Variants in LHX4 observed in about 807,000 individuals in gnomAD.
LHX4 encodes the protein LIM homeobox 4, also known as LIM/homeobox protein Lhx4.
In LHX4, 16 loss-of-function variants were observed where a neutral mutation model predicts 39.2. That is an observed-to-expected ratio of 0.41 (90% CI 0.28 to 0.62). The LOEUF (loss-of-function observed/expected upper bound fraction) is 0.62. Among genes scored for constraint, LHX4 ranks in the 20% least tolerant of loss-of-function variants. LHX4 has a pLI of 0.33. For missense variants in LHX4, 439 were observed against 511.9 expected, an observed-to-expected ratio of 0.86 and a Z score of 1.37; for synonymous variants, 206 against 198.1, an observed-to-expected ratio of 1.04 and a Z score of -0.33.
At chr1:180,271,570 C>T (rs200427160) in intron 4 of LHX4, 36 bp downstream of exon 4, 3 of 1,611,940 alleles carry the variant, frequency 1.9e-6, no homozygotes, top group East Asian at 4.5e-5. Flanking sequence ...TCCGGGGATC[C>T]CAGGCCCGGG....
At position 180,266,348 on chromosome 1, in the gene LHX4, C is replaced by A; in HGVS notation, c.249-44C>A. 3 of 1,598,946 alleles carry A rather than the reference C, an allele frequency of 1.9e-6. No homozygotes were observed. The highest frequency in any genetic ancestry group is 2.6e-6 in the Non-Finnish European group (3 of 1,167,278). ...CCAGGAAGTTGGGGGAAGCCAGATCCCTTGCTCCCTGTGTGCCCTAATCCT... is the reference window on the plus strand; with the variant it reads ...CCAGGAAGTTGGGGGAAGCCAGATCACTTGCTCCCTGTGTGCCCTAATCCT... On this transcript the variant is annotated intron_variant, in intron 2 of 5. Coordinates refer to ENST00000263726, the MANE Select transcript of LHX4 (RefSeq NM_033343.4). This position sits in a 1 kb window ranked among gnomAD's most constrained non-coding sequence, Gnocchi z 5.7.
chr1:180,245,856 A>T (rs910066221), intron 1 of LHX4, among the ~76,000 whole-genome samples: 3 of 152,286 alleles, frequency 2.0e-5, no homozygotes, highest in Non-Finnish European at 4.4e-5. Context: ...TCCAGAATCC[A>T]CATTCCCACC....
At position 180,254,578 on chromosome 1, in the gene LHX4, T is replaced by C. The variant is rs1647766625; in HGVS notation, c.248+6122T>C. Among the ~76,000 whole-genome samples the C allele has an allele frequency of 2.0e-5, 3 of 152,348 alleles. No homozygotes were observed. In the South Asian group the frequency reaches 6.2e-4, roughly 32 times the overall value. On this transcript the variant is annotated intron_variant, in intron 2 of 5. Coordinates refer to ENST00000263726, the MANE Select transcript of LHX4 (RefSeq NM_033343.4). ...GGCTTCACTGGTGACCTTAGCCCAC[T>C]CTGGTGACCAGGGCCTCTGCTCCTC...
Position 180,271,500 on chromosome 1 carries a change from C to T in LHX4, c.572C>T (p.Ser191Phe). The T allele has an allele frequency of 6.2e-7, 1 of 1,614,164 alleles. No homozygotes were observed. Among genetic ancestry groups the T allele is most frequent in the Non-Finnish European group, 8.5e-7 (1 of 1,180,032 alleles). The change falls in exon 4 of 6, where the codon TCC (serine) becomes TTC (phenylalanine). Residue 191 changes from serine (S) to phenylalanine (F), a missense_variant. Physicochemically the swap from Ser to Phe is radical, Grantham distance 155. Coordinates refer to ENST00000263726, the MANE Select transcript of LHX4 (RefSeq NM_033343.4). ...KPARHVREQL[S>F]SETGLDMRVV... The stretch of plus-strand genomic sequence containing the variant: ...GCCCGGCACGTGAGGGAGCAGCTGT[C>T]CTCAGAGACAGGCCTGGACATGAGG...
At chr1:180,259,177 A>G (rs773681728) in intron 2 of LHX4, among the ~76,000 whole-genome samples, 1 of 152,096 alleles carries the variant, frequency 6.6e-6, no homozygotes, top group Non-Finnish European at 1.5e-5. Flanking sequence ...TGTAGGAGGC[A>G]GCGAGCAGGT....
chr1:180,241,543 C>T (rs191841564), intron 1 of LHX4, among the ~76,000 whole-genome samples: 1 of 152,188 alleles, frequency 6.6e-6, no homozygotes, highest in East Asian at 1.9e-4. Context: ...CCTGATGTGG[C>T]CATAACACAG....
intron 2 of LHX4, among the ~76,000 whole-genome samples, chr1:180,255,324 G>T (rs532063495): frequency 6.6e-6 from 1 of 152,168 alleles, no homozygotes; most frequent in South Asian, 2.1e-4. Flanking sequence ...ATGATCGTGC[G>T]TACACACACA....
chr1:180,256,941 T>TC (rs1450004260), intron 2 of LHX4, among the ~76,000 whole-genome samples: 3 of 152,198 alleles, frequency 2.0e-5, no homozygotes, highest in African/African-American at 2.4e-5. Context: ...TACTAATCCC[T>TC]CCCTACAAGG....
At chr1:180,260,507 G>A (rs697261) in intron 2 of LHX4, among the ~76,000 whole-genome samples, 9,829 of 151,814 alleles carry the variant, frequency 0.065, 471 homozygotes, top group Non-Finnish European at 0.091. Context: ...GAGCTCAGGC[G>A]GAGCTCAGGT....
At chr1:180,243,898 C>T (rs1307962605) in intron 1 of LHX4, among the ~76,000 whole-genome samples, 1 of 152,200 alleles carries the variant, frequency 6.6e-6, no homozygotes. Context: ...AAAAAAATGA[C>T]AGGCTCAAGC....
intron 2 of LHX4, among the ~76,000 whole-genome samples, chr1:180,255,684 G>T (rs557152778): frequency 1.3e-5 from 2 of 152,220 alleles, no homozygotes; most frequent in Non-Finnish European, 2.9e-5. Flanking sequence ...GCTCCCCCAG[G>T]GACCGAGGCT....
chr1:180,263,318 G>T (rs1295781277), intron 2 of LHX4, among the ~76,000 whole-genome samples: 2 of 152,178 alleles, frequency 1.3e-5, no homozygotes, highest in African/African-American at 2.4e-5. Context: ...CCAGGCTTTG[G>T]CCTTCTCACC....
intron 1 of LHX4, among the ~76,000 whole-genome samples, chr1:180,235,451 G>A (rs1664293166): frequency 6.6e-6 from 1 of 152,244 alleles, no homozygotes; most frequent in Admixed American, 6.5e-5. Flanking sequence ...TTCGTTCCAA[G>A]CATTTGGAAT....
chr1:180,249,588 C>CT (rs1445395736), intron 2 of LHX4, among the ~76,000 whole-genome samples: 4 of 152,194 alleles, frequency 2.6e-5, no homozygotes, highest in African/African-American at 9.7e-5. Context: ...GCACCTCATG[C>CT]TGAAGCTGTG....
chr1:180,267,268 C>T (rs1415883818), intron 3 of LHX4, among the ~76,000 whole-genome samples: 38 of 152,250 alleles, frequency 2.5e-4, no homozygotes, highest in Admixed American at 2.5e-3. Context: ...TCACCACAAC[C>T]ACTGCAGGGC....
rs1038174834 is a variant in LHX4, at chr1:180,278,288, G to A, written c.*3709G>A. 2 of 152,206 alleles carry A rather than the reference G, an allele frequency of 1.3e-5. No homozygotes were observed. Among genetic ancestry groups the A allele is most frequent in the Non-Finnish European group, 2.9e-5 (2 of 68,040 alleles). The allele number at this position is 152,206 out of a possible 1,614,324, so 9.4% of individuals were successfully genotyped here. ...AATGAGTTTTGTTTTATTGCCTGCTGCTGAAGGGCTCTGGGCATGCTGAAA... is the reference window on the plus strand; with the variant it reads ...AATGAGTTTTGTTTTATTGCCTGCTACTGAAGGGCTCTGGGCATGCTGAAA... On this transcript the variant is annotated 3_prime_UTR_variant, in exon 6 of 6. Transcript: ENST00000263726.
At chr1:180,270,653 A>C (rs538312710) in intron 3 of LHX4, 1 of 153,682 alleles carries the variant, frequency 6.5e-6, no homozygotes, top group Admixed American at 6.4e-5. Flanking sequence ...TTTTCTCAAA[A>C]AATTTTGACT....
chr1:180,256,984 T>C lies in LHX4; in HGVS notation c.248+8528T>C, dbSNP rs541835376. Among the ~76,000 whole-genome samples, 4 of 152,362 alleles carry C rather than the reference T, an allele frequency of 2.6e-5. No individual in the cohort carries two copies. In the South Asian group the frequency reaches 8.3e-4, roughly 32 times the overall value. Reference sequence around the variant, plus strand: ...TGTGGTTTGAATGAGATGCCTCGCATGAAGTTGCCTGGTGCATATGACATG... The same window carrying C: ...TGTGGTTTGAATGAGATGCCTCGCACGAAGTTGCCTGGTGCATATGACATG... On this transcript the variant is annotated intron_variant, in intron 2 of 5. Coordinates refer to ENST00000263726, the MANE Select transcript of LHX4 (RefSeq NM_033343.4).
chr1:180,255,563 T>C (rs1023928532), intron 2 of LHX4, among the ~76,000 whole-genome samples: 1 of 152,220 alleles, frequency 6.6e-6, no homozygotes, highest in Non-Finnish European at 1.5e-5. Flanking sequence ...ATGGTCCGGA[T>C]AGTGGCTGTG....
Sources: gnomAD v4.1 joint callset for allele counts (sites outside exome capture counted in the v4.1 genomes callset) on GRCh38, gnomAD v4.1.1 for gene constraint, Gnocchi (gnomAD v3.1) non-coding constraint, MANE v1.5 for transcripts, NCBI Gene and HGNC (gene_info 2026-07-23, HGNC 2026-07-21) for gene names.